Variants in PDK1 observed in about 807,000 individuals in gnomAD.
The protein encoded by PDK1 is pyruvate dehydrogenase kinase 1, also known as [Pyruvate dehydrogenase (acetyl-transferring)] kinase isozyme 1, mitochondrial.
PDK1 carries 39 observed loss-of-function variants against 54.2 expected under a neutral mutation model. That is an observed-to-expected ratio of 0.72 (90% CI 0.56 to 0.94). PDK1 has a LOEUF of 0.94. Ranked by LOEUF, PDK1 falls within the 40% of genes least tolerant of loss-of-function variation. The probability of loss-of-function intolerance (pLI) is 0.00; values close to 1 mark genes in which losing one functional copy is unlikely to be tolerated. For synonymous variants in PDK1, 221 were observed against 207.1 expected, an observed-to-expected ratio of 1.07 and a Z score of -0.58; for missense variants, 552 against 566.0, an observed-to-expected ratio of 0.98 and a Z score of 0.25.
chr2:172,698,864 T>C, the PDK1 span, among the ~76,000 whole-genome samples: 1 of 152,180 alleles, frequency 6.6e-6, no homozygotes, highest in Non-Finnish European at 1.5e-5. Context: ...TACTGGTGTT[T>C]TTTGTTTCTT....
chr2:172,569,957 C>T (rs773893655), intron 7 of PDK1, among the ~76,000 whole-genome samples: 20 of 152,268 alleles, frequency 1.3e-4, no homozygotes, highest in Non-Finnish European at 2.2e-4. Context: ...TGAGGCACTC[C>T]GTATTATATT....
rs34678111 is a variant in PDK1, at chr2:172,596,276, G to GTT, written c.*318_*319dup. The GTT allele has an allele frequency of 2.0e-3, 333 of 164,334 alleles. No individual in the cohort carries two copies. Among genetic ancestry groups the GTT allele is most frequent in the Non-Finnish European group, 2.8e-3 (223 of 79,722 alleles). The allele number at this position is 164,334 out of a possible 1,614,324, so 10.2% of individuals were successfully genotyped here. A position where few individuals can be genotyped will look rare whatever the true frequency, so the allele number is the denominator to read the frequency against. On this transcript the variant is annotated 3_prime_UTR_variant, in exon 11 of 11. Transcript: ENST00000282077. The stretch of plus-strand genomic sequence containing the variant: ...ATCTTCGGGTTTCTATAGGAAACTA[G>GTT]TTTTTTTTTTTTAAGAAATACTTTC...
chr2:172,558,589 CGTG>C, intron 1 of PDK1, 116 bp from the exon 2 acceptor site: 1 of 824,242 alleles, frequency 1.2e-6, no homozygotes, highest in East Asian at 2.6e-5. Flanking sequence ...CCTGCCCCAT[CGTG>C]GTGATTCTAT....
the PDK1 span, among the ~76,000 whole-genome samples, chr2:172,670,911 T>C: frequency 2.6e-5 from 4 of 152,176 alleles, no homozygotes; most frequent in African/African-American, 9.6e-5. Context: ...TGTCATCCAA[T>C]TGGATGAACT....
chr2:172,585,044 T>A (rs1386498646), intron 8 of PDK1, among the ~76,000 whole-genome samples: 1 of 152,042 alleles, frequency 6.6e-6, no homozygotes, highest in African/African-American at 2.4e-5. Context: ...TCACTCAGGC[T>A]GGAGTACAGT....
chr2:172,607,356 T>C lies in PDK1; in HGVS notation c.*11387T>C, dbSNP rs1369886833. On this transcript the variant is annotated 3_prime_UTR_variant, in exon 11 of 11. Coordinates refer to ENST00000282077, the MANE Select transcript of PDK1 (RefSeq NM_002610.5). ...ATATAGAATCAAACAATTGTGAAAA[T>C]ATAATTGGCTAAGTTTCATATACAG... 1 of 152,132 alleles carries C rather than the reference T, an allele frequency of 6.6e-6. No individual in the cohort carries two copies. Among genetic ancestry groups the C allele is most frequent in the East Asian group, 1.9e-4 (1 of 5,192 alleles). 9.4% of individuals were successfully genotyped at this position (152,132 alleles called of 1,614,324 possible).
chr2:172,616,658 C>T, the PDK1 span, among the ~76,000 whole-genome samples: 2 of 152,230 alleles, frequency 1.3e-5, no homozygotes, highest in South Asian at 4.1e-4. Flanking sequence ...CATAGAGGTT[C>T]ATATTATGCT....
intron 1 of PDK1, 47 bp downstream of exon 1, chr2:172,556,393 G>C: frequency 7.6e-7 from 1 of 1,321,890 alleles, no homozygotes; most frequent in South Asian, 2.0e-5. Context: ...GTCCCGGGCG[G>C]GGAGCTGCGG....
At chr2:172,565,159 C>G (rs1489292598) in intron 5 of PDK1, 86 bp downstream of exon 5, 1 of 809,558 alleles carries the variant, frequency 1.2e-6, no homozygotes, top group African/African-American at 1.7e-5. Flanking sequence ...CTATTTGTAT[C>G]ATGAGATAAA....
chr2:172,713,786 G>A, the PDK1 span, among the ~76,000 whole-genome samples: 1 of 152,180 alleles, frequency 6.6e-6, no homozygotes, highest in Non-Finnish European at 1.5e-5. Context: ...CAAGGTTCCC[G>A]CCCCTTCAAC....
At chr2:172,647,021 A>G in the PDK1 span, among the ~76,000 whole-genome samples, 1 of 151,912 alleles carries the variant, frequency 6.6e-6, no homozygotes, top group South Asian at 2.1e-4. Flanking sequence ...ACAGGAGTGA[A>G]CCACCATGCC....
chr2:172,591,897 C>A (rs930896085), intron 9 of PDK1, among the ~76,000 whole-genome samples: 5 of 152,188 alleles, frequency 3.3e-5, no homozygotes, highest in Non-Finnish European at 7.3e-5. Flanking sequence ...GCAAACAGCT[C>A]GCATATTTGA....
chr2:172,618,660 T>G, the PDK1 span, among the ~76,000 whole-genome samples: 3 of 152,252 alleles, frequency 2.0e-5, no homozygotes, highest in South Asian at 4.1e-4. Flanking sequence ...GCAGATATCT[T>G]TGATGAATTC....
chr2:172,634,772 CAA>C, the PDK1 span, among the ~76,000 whole-genome samples: 85,124 of 129,688 alleles, frequency 0.66, 26,588 homozygotes, highest in East Asian at 0.75. Context: ...TCTTAAAATG[CAA>C]AAAAAAAAAA....
At chr2:172,568,941 C>A in intron 7 of PDK1, 124 bp downstream of exon 7, 1 of 653,056 alleles carries the variant, frequency 1.5e-6, no homozygotes, top group South Asian at 1.8e-5. Flanking sequence ...AGTATCATAT[C>A]ACATTGCTGG....
the PDK1 span, among the ~76,000 whole-genome samples, chr2:172,695,405 A>G: frequency 6.6e-6 from 1 of 152,278 alleles, no homozygotes; most frequent in African/African-American, 2.4e-5. Flanking sequence ...AACATAGACA[A>G]CAGTCTATAG....
the PDK1 span, among the ~76,000 whole-genome samples, chr2:172,617,610 C>G: frequency 1.3e-5 from 2 of 152,150 alleles, no homozygotes; most frequent in African/African-American, 4.8e-5. Flanking sequence ...TCCTGCAGGC[C>G]ATTTTTCTAA....
chr2:172,586,709 TA>T, intron 9 of PDK1, among the ~76,000 whole-genome samples: 1 of 152,312 alleles, frequency 6.6e-6, no homozygotes, highest in South Asian at 2.1e-4. Flanking sequence ...TTACTGGTTT[TA>T]GTAGTGTTTG....
the PDK1 span, among the ~76,000 whole-genome samples, chr2:172,620,337 C>T: frequency 6.6e-6 from 1 of 152,088 alleles, no homozygotes; most frequent in African/African-American, 2.4e-5. Context: ...ATTTATAATA[C>T]AGTGAACAAC....
Sources: allele counts gnomAD v4.1 joint callset (sites outside exome capture counted in the v4.1 genomes callset), GRCh38; gene constraint gnomAD v4.1.1; transcripts MANE v1.5; gene names NCBI Gene and HGNC (gene_info 2026-07-23, HGNC 2026-07-21).